Variants in PCDH15 observed in about 807,000 individuals in gnomAD.
PCDH15 encodes protocadherin-15.
PCDH15 carries 129 observed loss-of-function variants against 178.5 expected under a neutral mutation model. The ratio of observed to expected loss-of-function variants is 0.72; its 90% CI spans 0.63 to 0.84. The LOEUF (loss-of-function observed/expected upper bound fraction) is 0.84. Among genes scored for constraint, PCDH15 ranks in the 40% least tolerant of loss-of-function variants. The pLI is 0.00. For missense variants in PCDH15, 2,230 were observed against 2,099.9 expected, an observed-to-expected ratio of 1.06 and a Z score of -1.21; for synonymous variants, 800 against 732.0, an observed-to-expected ratio of 1.09 and a Z score of -1.50.
At chr10:55,417,764 GA>G (rs796173566) in intron 2 of PCDH15, among the ~76,000 whole-genome samples, 14 of 142,870 alleles carry the variant, frequency 9.8e-5, no homozygotes, top group Admixed American at 2.1e-4. Flanking sequence ...AAAATGAAGG[GA>G]AAAAAAAAAC....
intron 1 of PCDH15, among the ~76,000 whole-genome samples, chr10:55,252,223 A>G (rs139462107): frequency 6.6e-6 from 1 of 152,230 alleles, no homozygotes; most frequent in East Asian, 1.9e-4. Flanking sequence ...CAAAATCCCC[A>G]AAACATTCAG....
intron 2 of PCDH15, among the ~76,000 whole-genome samples, chr10:55,542,085 C>A (rs1019051746): frequency 2.0e-5 from 3 of 151,228 alleles, no homozygotes; most frequent in African/African-American, 4.8e-5. Flanking sequence ...CCAAAACAGA[C>A]AAATATGGAA....
At chr10:54,758,278 A>G (rs1947423387) in intron 1 of PCDH15, among the ~76,000 whole-genome samples, 1 of 152,154 alleles carries the variant, frequency 6.6e-6, no homozygotes, top group South Asian at 2.1e-4. Context: ...TGTTTCATCA[A>G]ATTTTGAATT....
intron 2 of PCDH15, among the ~76,000 whole-genome samples, chr10:55,590,348 A>G (rs888636964): frequency 6.7e-6 from 1 of 149,756 alleles, no homozygotes; most frequent in Non-Finnish European, 1.5e-5. Flanking sequence ...GCATTAGGAG[A>G]TATACCTAAT....
intron 15 of PCDH15, among the ~76,000 whole-genome samples, chr10:54,129,174 C>T (rs933713744): frequency 1.3e-5 from 2 of 151,830 alleles, no homozygotes; most frequent in Non-Finnish European, 2.9e-5. Flanking sequence ...TGAAATGATG[C>T]GTTATACATA....
intron 2 of PCDH15, among the ~76,000 whole-genome samples, chr10:54,997,149 C>G (rs1258552744): frequency 2.6e-5 from 4 of 151,698 alleles, no homozygotes; most frequent in Non-Finnish European, 5.9e-5. Context: ...GAAACTGCTG[C>G]ACCCAAAATA....
chr10:54,229,533 G>C (rs945490656), intron 9 of PCDH15, among the ~76,000 whole-genome samples: 1 of 152,106 alleles, frequency 6.6e-6, no homozygotes, highest in Non-Finnish European at 1.5e-5. Context: ...TGAATCTCAT[G>C]GGAGGAAGCT....
intron 3 of PCDH15, among the ~76,000 whole-genome samples, chr10:54,480,552 G>A (rs969459465): frequency 1.3e-5 from 2 of 152,046 alleles, no homozygotes; most frequent in Non-Finnish European, 2.9e-5. Context: ...AGAGGAGAAA[G>A]AGGACTTGTC....
chr10:55,368,975 T>C (rs1400498990), intron 2 of PCDH15, among the ~76,000 whole-genome samples: 4 of 134,440 alleles, frequency 3.0e-5, no homozygotes, highest in African/African-American at 2.8e-5. Flanking sequence ...TTACTTATTA[T>C]GCAGCTTGGA....
At chr10:54,558,625 T>C (rs1311105871) in intron 2 of PCDH15, among the ~76,000 whole-genome samples, 2 of 152,108 alleles carry the variant, frequency 1.3e-5, no homozygotes, top group Non-Finnish European at 2.9e-5. Context: ...TAGTAACTTC[T>C]ATAACATTTA....
intron 2 of PCDH15, among the ~76,000 whole-genome samples, chr10:55,086,023 A>T (rs1405017088): frequency 3.3e-5 from 5 of 151,688 alleles, no homozygotes; most frequent in South Asian, 2.1e-4. Context: ...AATTATATAC[A>T]TATGCAATCT....
chr10:54,764,889 C>T (rs1591517280), intron 1 of PCDH15, among the ~76,000 whole-genome samples: 1 of 152,114 alleles, frequency 6.6e-6, no homozygotes, highest in African/African-American at 2.4e-5. Flanking sequence ...TTTTGTAAGT[C>T]TTGCTTATTT....
intron 2 of PCDH15, among the ~76,000 whole-genome samples, chr10:55,341,863 G>A (rs1844609205): frequency 8.0e-6 from 1 of 125,652 alleles, no homozygotes; most frequent in Non-Finnish European, 1.6e-5. Flanking sequence ...TGTTGCCCAG[G>A]ATGGTATCCA....
chr10:54,513,616 T>C (rs1447013692), intron 3 of PCDH15, among the ~76,000 whole-genome samples: 2 of 152,192 alleles, frequency 1.3e-5, no homozygotes, highest in African/African-American at 2.4e-5. Flanking sequence ...AATCACACTA[T>C]GTATTTTTAT....
chr10:53,903,358 T>C lies in PCDH15; in HGVS notation c.3386A>G (p.Lys1129Arg). 2 of 1,612,904 alleles carry C rather than the reference T, an allele frequency of 1.2e-6. No individual in the cohort carries two copies. The highest frequency in any genetic ancestry group is 3.3e-4 in the Middle Eastern group (2 of 6,056). Residue 1129 changes from lysine to arginine, a missense_variant, in exon 26 of 38, where the codon AAA becomes AGA. Coordinates refer to ENST00000644397, the MANE Select transcript of PCDH15 (RefSeq NM_001384140.1). Reference sequence around the variant, plus strand: ...TTCATCCTGAATCTCAATGTATACTTTAGCTGTATTGCCTGGAGGACAAGA... The same window carrying C: ...TTCATCCTGAATCTCAATGTATACTCTAGCTGTATTGCCTGGAGGACAAGA... Reference protein sequence around the residue: ...LRVPSKSNTAKVYIEIQDENN... With the variant: ...LRVPSKSNTARVYIEIQDENN...
chr10:55,574,043 C>A lies in PCDH15; in HGVS notation c.-156+53582G>T, dbSNP rs544822010. ...TCTTGGTTTTATTGTCACAAAAAAACCACAATGAAGAATGAAACAACTGCT... is the reference window on the plus strand; with the variant it reads ...TCTTGGTTTTATTGTCACAAAAAAAACACAATGAAGAATGAAACAACTGCT... On this transcript the variant is annotated intron_variant, in intron 2 of 5. Transcript: ENST00000613346. 7.9e-5 allele frequency among the ~76,000 whole-genome samples: 12 copies of A among 151,932 alleles called. No individual in the cohort carries two copies. The East Asian group carries it at 9.7e-4, about 12-fold the overall frequency.
rs1943286896 is a variant in PCDH15, at chr10:54,346,387, A to G, written c.572T>C (p.Ile191Thr). The change falls in exon 6 of 38, where the codon ATT becomes ACT. Residue 191 changes from isoleucine to threonine, a missense_variant. Coordinates refer to ENST00000644397, the MANE Select transcript of PCDH15 (RefSeq NM_001384140.1). ...TACCGGATCATCTGGATTATACTGA[A>G]TAACATACTCTATCTGTCCATTTGG... ...DGPNGQIEYV[I>T]QYNPDDPTSN... 6.2e-7 allele frequency: 1 copy of G among 1,613,344 alleles called. No homozygotes were observed. The highest frequency in any genetic ancestry group is 1.7e-5 in the Admixed American group (1 of 60,008).
rs375643153 is a variant in PCDH15, at chr10:53,807,037, G to T, written c.4765C>A (p.Arg1589Ser). ...CTGTGGATACTAGGATGGTGAAGAC[G>T]GTTTCTCTGACATTCAGGAGCACTG... ...EDSAPECQRN[R>S]LHHPSIHSNI... is the part of the protein sequence containing the mutation. Residue 1589 changes from arginine (R) to serine (S), a missense_variant, in exon 38 of 38, where the codon CGT becomes AGT. By Grantham distance (110) the Arg-to-Ser change is moderately radical. Coordinates refer to ENST00000644397, the MANE Select transcript of PCDH15 (RefSeq NM_001384140.1). The T allele has an allele frequency of 5.5e-5, 88 of 1,613,452 alleles. No homozygotes were observed. The African/African-American group carries it at 9.6e-4, about 18-fold the overall frequency.
At chr10:54,016,976 A>C (rs547142604) in intron 20 of PCDH15, among the ~76,000 whole-genome samples, 1 of 152,322 alleles carries the variant, frequency 6.6e-6, no homozygotes, top group African/African-American at 2.4e-5. Context: ...TTAAAATAAT[A>C]ATATGTTTTC....
Sources: allele counts gnomAD v4.1 joint callset (sites outside exome capture counted in the v4.1 genomes callset), GRCh38; gene constraint gnomAD v4.1.1; transcripts MANE v1.5; gene names NCBI Gene and HGNC (gene_info 2026-07-23, HGNC 2026-07-21).